RNF220: variants seen among roughly 807,000 people sequenced by gnomAD.
The protein encoded by RNF220 is ring finger protein 220.
A neutral mutation model predicts 67.1 loss-of-function variants in RNF220; 7 were observed. The ratio of observed to expected loss-of-function variants is 0.10; its 90% CI spans 0.06 to 0.20. The LOEUF (loss-of-function observed/expected upper bound fraction) is 0.20. Ranked by LOEUF, RNF220 falls within the 10% of genes least tolerant of loss-of-function variation. RNF220 has a pLI of 1.00. For synonymous variants in RNF220, 270 were observed against 283.2 expected (o/e 0.95, Z 0.47); for missense variants, 565 against 740.3 (o/e 0.76, Z 2.75).
chr1:44,644,444 T>C, intron 8 of RNF220: 1 of 452,754 alleles, frequency 2.2e-6, no homozygotes, highest in South Asian at 2.7e-5. Flanking sequence ...TGACATAATA[T>C]ATGAATGGGC....
In RNF220 at chr1:44,480,265, G is replaced by T. The variant is rs186508417; in HGVS notation, c.625+67543G>T. ...CTAATAATACAAAAAAAATCAGCCA[G>T]GTGTGATGGTGCATGCCTGTAGTCC... On this transcript the variant is annotated intron_variant, in intron 2 of 14. Transcript: ENST00000361799. Among the ~76,000 whole-genome samples the T allele has an allele frequency of 5.6e-4, 85 of 152,130 alleles. 1 individual carries two copies. The South Asian group carries it at 0.015, about 26-fold the overall frequency.
chr1:44,441,636 T>G (rs1245865001), intron 2 of RNF220, among the ~76,000 whole-genome samples: 2 of 152,120 alleles, frequency 1.3e-5, no homozygotes, highest in Non-Finnish European at 2.9e-5. Flanking sequence ...GAAACATTTG[T>G]GGAGAACTGG....
intron 2 of RNF220, among the ~76,000 whole-genome samples, chr1:44,594,226 C>T (rs1250582737): frequency 6.6e-6 from 1 of 152,150 alleles, no homozygotes; most frequent in Non-Finnish European, 1.5e-5. Flanking sequence ...CCAAGAGAAA[C>T]TTTGATTTGA....
chr1:44,473,118 G>A (rs1654968034), intron 2 of RNF220, among the ~76,000 whole-genome samples: 1 of 152,150 alleles, frequency 6.6e-6, no homozygotes, highest in East Asian at 1.9e-4. Flanking sequence ...CAGAGGAATA[G>A]CAGCCGTTTG....
rs77971763 is a variant in RNF220, at chr1:44,479,444, C to T, written c.625+66722C>T. 4.8e-3 allele frequency among the ~76,000 whole-genome samples: 736 copies of T among 152,140 alleles called. 12 individuals carry two copies. The highest frequency in any genetic ancestry group is 0.017 in the African/African-American group (692 of 41,508). ...TTTGTGGATTTTTATGTGTTTTATA[C>T]TCATCAACTCTATGTACCACAAGCC... is the stretch of plus-strand genomic sequence containing the variant. On this transcript the variant is annotated intron_variant, in intron 2 of 14. Transcript: ENST00000361799.
At chr1:44,530,420 A>G (rs185574481) in intron 2 of RNF220, among the ~76,000 whole-genome samples, 3 of 152,290 alleles carry the variant, frequency 2.0e-5, no homozygotes, top group Admixed American at 2.0e-4. Flanking sequence ...CAGATGTACA[A>G]AAAGGACATC....
intron 2 of RNF220, among the ~76,000 whole-genome samples, chr1:44,474,323 C>T (rs1287944409): frequency 6.6e-6 from 1 of 150,686 alleles, no homozygotes; most frequent in Non-Finnish European, 1.5e-5. Context: ...TGCAGTAAGC[C>T]GAGATCACGC....
chr1:44,649,357 A>G lies in RNF220; in HGVS notation c.1446-304A>G. 1 of 432,882 alleles carries G rather than the reference A, an allele frequency of 2.3e-6. No homozygotes were observed. The highest frequency in any genetic ancestry group is 2.3e-5 in the South Asian group (1 of 42,876). 26.8% of individuals were successfully genotyped at this position (432,882 alleles called of 1,614,324 possible). On this transcript the variant is annotated intron_variant, in intron 12 of 14. Transcript: ENST00000361799. The surrounding 1 kb of genome is among the most constrained non-coding windows in gnomAD (Gnocchi z 5.9). ...CCTGGACTCATGGTGGTGAGGAGAG[A>G]TGCCGGAGATACTAGGAGAGATGAC...
intron 8 of RNF220, chr1:44,644,408 G>A: frequency 5.8e-6 from 2 of 346,900 alleles, no homozygotes; most frequent in South Asian, 3.4e-5. Flanking sequence ...TGGACAGCAG[G>A]CCTGGGCTGA....
chr1:44,546,654 C>T (rs1662179377), intron 2 of RNF220, among the ~76,000 whole-genome samples: 1 of 152,196 alleles, frequency 6.6e-6, no homozygotes. Context: ...AGATGGAGTG[C>T]TTGCTTCAGA....
At chr1:44,593,189 T>C (rs1343060785) in intron 2 of RNF220, among the ~76,000 whole-genome samples, 1 of 152,166 alleles carries the variant, frequency 6.6e-6, no homozygotes, top group Non-Finnish European at 1.5e-5. Context: ...TTTTCCCTGT[T>C]CCATCCCATG....
rs1361922181 is a variant in RNF220, at chr1:44,412,088, A to G, written c.-10A>G. On this transcript the variant is annotated 5_prime_UTR_variant, in exon 2 of 15. Transcript: ENST00000361799. This position sits in a 1 kb window ranked among gnomAD's most constrained non-coding sequence, Gnocchi z 5.3. ...TTCTTGCGTAACGCCGGCCACAGAAAGAGACTCCGATGGACTTACACCGGG... is the reference window on the plus strand; with the variant it reads ...TTCTTGCGTAACGCCGGCCACAGAAGGAGACTCCGATGGACTTACACCGGG... 4 of 1,597,310 alleles carry G rather than the reference A, an allele frequency of 2.5e-6. No homozygotes were observed. The highest frequency in any genetic ancestry group is 4.5e-5 in the East Asian group (2 of 44,574).
At chr1:44,481,811 G>A (rs1334544930) in intron 2 of RNF220, among the ~76,000 whole-genome samples, 2 of 152,142 alleles carry the variant, frequency 1.3e-5, no homozygotes, top group Admixed American at 1.3e-4. Flanking sequence ...AAGTGATCCA[G>A]GCAAAGAAAA....
chr1:44,580,030 C>CAAAAAAAAAAAAAAAA (rs61499825), intron 2 of RNF220, among the ~76,000 whole-genome samples: 8 of 65,240 alleles, frequency 1.2e-4, no homozygotes, highest in Admixed American at 2.2e-4. Flanking sequence ...CCCTGTCTCA[C>CAAAAAAAAAAAAAAAA]AAAAAAAAAA....
intron 2 of RNF220, among the ~76,000 whole-genome samples, chr1:44,499,322 T>C (rs1239021489): frequency 6.6e-6 from 1 of 152,150 alleles, no homozygotes; most frequent in East Asian, 1.9e-4. Context: ...TCACCCCCTC[T>C]CCTTTCATTC....
At chr1:44,631,844 C>T in intron 5 of RNF220, 2 of 948,166 alleles carry the variant, frequency 2.1e-6, no homozygotes, top group Non-Finnish European at 2.5e-6. Context: ...TGGGAGGGAC[C>T]CCGGGGAGGC....
rs138853279 is a variant in RNF220, at chr1:44,455,896, G to A, written c.625+43174G>A. Among the ~76,000 whole-genome samples the A allele has an allele frequency of 4.8e-4, 73 of 152,308 alleles. No homozygotes were observed. The Middle Eastern group carries it at 0.014, about 28-fold the overall frequency. ...CTGACTGACACCTGAACCGATCTCA[G>A]AACACCCTGGGGCCAGACAGCTAAG... On this transcript the variant is annotated intron_variant, in intron 2 of 14. Coordinates refer to ENST00000361799, the MANE Select transcript of RNF220 (RefSeq NM_018150.4).
chr1:44,483,023 G>A (rs1158932310), intron 2 of RNF220, among the ~76,000 whole-genome samples: 1 of 145,878 alleles, frequency 6.9e-6, no homozygotes, highest in Non-Finnish European at 1.5e-5. Context: ...CTCAAACTCC[G>A]GGATTCAGGC....
At chr1:44,626,620 C>T in intron 5 of RNF220, 1 of 567,598 alleles carries the variant, frequency 1.8e-6, no homozygotes, top group Non-Finnish European at 3.2e-6. Flanking sequence ...GCCAAGGTCA[C>T]ATGGGCTCCA....
Sources: allele counts gnomAD v4.1 joint callset (sites outside exome capture counted in the v4.1 genomes callset), GRCh38; gene constraint gnomAD v4.1.1; non-coding constraint Gnocchi (gnomAD v3.1); transcripts MANE v1.5; gene names NCBI Gene and HGNC (gene_info 2026-07-23, HGNC 2026-07-21).